SH3GL3: variants seen among roughly 807,000 people sequenced by gnomAD.
The protein encoded by SH3GL3 is endophilin-A3.
In SH3GL3, 33 loss-of-function variants were observed where a neutral mutation model predicts 47.7. That is an observed-to-expected ratio of 0.69 (90% confidence interval 0.52 to 0.92). The LOEUF is 0.92. Among genes scored for constraint, SH3GL3 ranks in the 40% least tolerant of loss-of-function variants. SH3GL3 has a pLI of 0.00. For missense variants in SH3GL3, 363 were observed against 417.8 expected, an observed-to-expected ratio of 0.87 and a Z score of 1.14; for synonymous variants, 155 against 148.8, an observed-to-expected ratio of 1.04 and a Z score of -0.30.
chr15:83,588,627 C>G lies in SH3GL3; in HGVS notation c.729-35C>G, dbSNP rs369944989. 131 of 1,277,130 alleles carry G rather than the reference C, an allele frequency of 1.0e-4. 1 individual carries two copies. The highest frequency in any genetic ancestry group is 1.6e-5 in the Non-Finnish European group (14 of 873,790). 79.1% of individuals were successfully genotyped at this position (1,277,130 alleles called of 1,614,324 possible). ...TGTGTGTTTGGAAAGCTTTCAACAT[C>G]AGATGTCTGGCTCATCTTACGATGT... is the stretch of plus-strand genomic sequence containing the variant. On this transcript the variant is annotated intron_variant, in intron 7 of 8. Transcript: ENST00000427482.
intron 1 of SH3GL3, among the ~76,000 whole-genome samples, chr15:83,526,226 A>G (rs1432168685): frequency 6.6e-6 from 1 of 152,212 alleles, no homozygotes; most frequent in East Asian, 1.9e-4. Flanking sequence ...TGTTGGTGGA[A>G]TTAGTTCAAT....
At chr15:83,514,987 C>T (rs1007408915) in intron 1 of SH3GL3, among the ~76,000 whole-genome samples, 2 of 152,100 alleles carry the variant, frequency 1.3e-5, no homozygotes, top group Admixed American at 6.6e-5. Flanking sequence ...AAGGAATGCA[C>T]ATGACCTCTA....
chr15:83,621,892 T>C (rs2060916653), downstream of SH3GL3, among the ~76,000 whole-genome samples: 2 of 152,122 alleles, frequency 1.3e-5, no homozygotes, highest in African/African-American at 4.8e-5. Context: ...ATCACCTAAA[T>C]CAGGTAACCT....
chr15:83,476,116 A>G (rs1361016179), intron 1 of SH3GL3, among the ~76,000 whole-genome samples: 2 of 152,216 alleles, frequency 1.3e-5, no homozygotes, highest in African/African-American at 4.8e-5. Flanking sequence ...AGTATGTCAA[A>G]TAGTATAACT....
intron 1 of SH3GL3, among the ~76,000 whole-genome samples, chr15:83,506,970 T>G (rs2042535012): frequency 6.6e-6 from 1 of 151,898 alleles, no homozygotes; most frequent in South Asian, 2.1e-4. Context: ...AAAAATTTCC[T>G]GATTGGTTGT....
chr15:83,571,904 G>A (rs1488393935), intron 4 of SH3GL3, among the ~76,000 whole-genome samples: 4 of 152,126 alleles, frequency 2.6e-5, no homozygotes, highest in Non-Finnish European at 5.9e-5. Flanking sequence ...CCGATTAACC[G>A]GACTGAGATA....
chr15:83,478,344 C>A (rs1410682677), intron 1 of SH3GL3, among the ~76,000 whole-genome samples: 1 of 152,172 alleles, frequency 6.6e-6, no homozygotes, highest in Non-Finnish European at 1.5e-5. Context: ...CACAGTGGAA[C>A]TGGAAGCCCC....
intron 1 of SH3GL3, among the ~76,000 whole-genome samples, chr15:83,505,099 C>T (rs1328426858): frequency 1.3e-5 from 2 of 152,108 alleles, no homozygotes; most frequent in African/African-American, 4.8e-5. Flanking sequence ...TATGAATACA[C>T]CACTTACATA....
downstream of SH3GL3, among the ~76,000 whole-genome samples, chr15:83,622,275 A>G (rs1410416010): frequency 6.6e-6 from 1 of 152,200 alleles, no homozygotes; most frequent in African/African-American, 2.4e-5. Flanking sequence ...CCATGCCCAC[A>G]GTCTTTGCTT....
intron 1 of SH3GL3, among the ~76,000 whole-genome samples, chr15:83,533,827 T>C (rs1205081213): frequency 6.6e-6 from 1 of 152,206 alleles, no homozygotes; most frequent in Admixed American, 6.5e-5. Context: ...TGTTCAGAGC[T>C]GACTTATTCG....
At chr15:83,550,796 T>TTGTG (rs1293004774) in intron 1 of SH3GL3, among the ~76,000 whole-genome samples, 1 of 152,218 alleles carries the variant, frequency 6.6e-6, no homozygotes, top group East Asian at 1.9e-4. Flanking sequence ...GTTTTTGTTT[T>TTGTG]TGTTTGTTTG....
intron 6 of SH3GL3, among the ~76,000 whole-genome samples, chr15:83,580,700 T>A (rs902084187): frequency 2.0e-5 from 3 of 152,182 alleles, no homozygotes; most frequent in African/African-American, 7.2e-5. Context: ...TTCCCCTCCT[T>A]GCACCTTCGG....
chr15:83,621,266 G>T (rs186772486), downstream of SH3GL3, among the ~76,000 whole-genome samples: 6 of 152,278 alleles, frequency 3.9e-5, no homozygotes, highest in Non-Finnish European at 8.8e-5. Flanking sequence ...AGCCTACCCT[G>T]GCTTTCAATA....
intron 1 of SH3GL3, among the ~76,000 whole-genome samples, chr15:83,498,803 G>A (rs1427787107): frequency 6.6e-6 from 1 of 152,130 alleles, no homozygotes; most frequent in East Asian, 1.9e-4. Context: ...TCCTTCAGTG[G>A]CCCTTCAGTA....
At chr15:83,617,708 C>T (rs984062893) in intron 8 of SH3GL3, among the ~76,000 whole-genome samples, 7 of 152,070 alleles carry the variant, frequency 4.6e-5, no homozygotes, top group African/African-American at 1.2e-4. Context: ...AAAAGTTTCT[C>T]GTGTATTTTC....
intron 1 of SH3GL3, among the ~76,000 whole-genome samples, chr15:83,529,414 A>G (rs2043564607): frequency 6.6e-6 from 1 of 151,968 alleles, no homozygotes. Context: ...GACAACCCTT[A>G]GGCTTCCAGG....
At chr15:83,503,880 G>A (rs976125886) in intron 1 of SH3GL3, among the ~76,000 whole-genome samples, 7 of 152,312 alleles carry the variant, frequency 4.6e-5, no homozygotes, top group South Asian at 2.1e-4. Flanking sequence ...AAGAAAAGGC[G>A]CATTTCCCCA....
chr15:83,465,739 A>C (rs142313511), intron 1 of SH3GL3, among the ~76,000 whole-genome samples: 1 of 152,232 alleles, frequency 6.6e-6, no homozygotes, highest in East Asian at 1.9e-4. Flanking sequence ...CCTATCACAA[A>C]TATTTTAATA....
At chr15:83,462,696 C>T (rs1028708207) in intron 1 of SH3GL3, among the ~76,000 whole-genome samples, 6 of 152,186 alleles carry the variant, frequency 3.9e-5, no homozygotes, top group Admixed American at 6.5e-5. Flanking sequence ...CAAATTTCTG[C>T]AGAAATGCAA....
Sources: gnomAD v4.1 joint callset for allele counts (sites outside exome capture counted in the v4.1 genomes callset) on GRCh38, gnomAD v4.1.1 for gene constraint, MANE v1.5 for transcripts, NCBI Gene and HGNC (gene_info 2026-07-23, HGNC 2026-07-21) for gene names.